TMOD1: variants seen among roughly 807,000 people sequenced by gnomAD.
TMOD1 encodes the protein tropomodulin 1, also known as tropomodulin-1.
Under a neutral mutation model 40.6 loss-of-function variants are expected in TMOD1, and 17 were observed. That is an observed-to-expected ratio of 0.42 (90% confidence interval 0.29 to 0.63). The LOEUF (loss-of-function observed/expected upper bound fraction) is 0.63. TMOD1 is among the 20% of genes least tolerant of loss of function. The pLI, the probability that TMOD1 is intolerant of heterozygous loss-of-function variation, is 0.22. For missense variants in TMOD1, 391 were observed against 447.6 expected (o/e 0.87, Z 1.14); for synonymous variants, 181 against 175.0 (o/e 1.03, Z -0.27).
chr9:97,544,176 A>T (rs956653553), intron 2 of TMOD1, among the ~76,000 whole-genome samples: 1 of 152,100 alleles, frequency 6.6e-6, no homozygotes, highest in Non-Finnish European at 1.5e-5. Context: ...CGGTCTCCTG[A>T]TCTTACAGCC....
intron 2 of TMOD1, among the ~76,000 whole-genome samples, chr9:97,541,361 T>C (rs1830272663): frequency 6.6e-6 from 1 of 152,034 alleles, no homozygotes; most frequent in Non-Finnish European, 1.5e-5. Flanking sequence ...CTAATTTTTG[T>C]ATTTTTAGTA....
At chr9:97,558,548 A>G (rs56411590) in intron 4 of TMOD1, among the ~76,000 whole-genome samples, 2,605 of 152,138 alleles carry the variant, frequency 0.017, 29 homozygotes, top group Middle Eastern at 0.044. Flanking sequence ...GGTTCAAGCA[A>G]TTCTCCTGCC....
chr9:97,551,017 T>A (rs1164342915), intron 3 of TMOD1, among the ~76,000 whole-genome samples: 326 of 7,380 alleles, frequency 0.044, no homozygotes, highest in African/African-American at 0.082. Flanking sequence ...TATATATATT[T>A]TTTTTTTTTT....
chr9:97,598,546 T>C (rs756480191), intron 9 of TMOD1, among the ~76,000 whole-genome samples: 1 of 152,218 alleles, frequency 6.6e-6, no homozygotes, highest in Non-Finnish European at 1.5e-5. Flanking sequence ...GTCTGGTTCA[T>C]GTAAACTCTT....
chr9:97,536,209 C>T (rs1177241264), intron 2 of TMOD1, among the ~76,000 whole-genome samples: 2 of 152,090 alleles, frequency 1.3e-5, no homozygotes, highest in Non-Finnish European at 2.9e-5. Flanking sequence ...AAGGAGAAAC[C>T]GACCTGGCAG....
In TMOD1 at chr9:97,601,300, C is replaced by T. The variant is rs898614206; in HGVS notation, c.*1602C>T. 2 of 1,174,748 alleles carry T rather than the reference C, an allele frequency of 1.7e-6. No individual in the cohort carries two copies. The highest frequency in any genetic ancestry group is 1.6e-5 in the South Asian group (1 of 62,162). 72.8% of individuals were successfully genotyped at this position (1,174,748 alleles called of 1,614,324 possible). ...GGAACCTGTGTGACAGGGACATGTG[C>T]CTGGCACACTGGCCAGAAGACTGGG... On this transcript the variant is annotated 3_prime_UTR_variant, in exon 10 of 10. Coordinates refer to ENST00000259365, the MANE Select transcript of TMOD1 (RefSeq NM_003275.4).
intron 2 of TMOD1, among the ~76,000 whole-genome samples, chr9:97,537,759 A>T (rs931905360): frequency 1.3e-5 from 2 of 152,254 alleles, no homozygotes; most frequent in African/African-American, 4.8e-5. Context: ...AATTTAAAAA[A>T]TTCTAAATTT....
At chr9:97,504,926 C>T (rs1829569417) in intron 1 of TMOD1, among the ~76,000 whole-genome samples, 1 of 152,150 alleles carries the variant, frequency 6.6e-6, no homozygotes, top group Admixed American at 6.5e-5. Flanking sequence ...TATTGGGCTG[C>T]TAGGAGCCAT....
At chr9:97,565,713 C>A in intron 6 of TMOD1, 135 bp from the exon 7 acceptor site, 1 of 685,800 alleles carries the variant, frequency 1.5e-6, no homozygotes, top group South Asian at 1.9e-5. Context: ...CGGGACAAAG[C>A]CTAAACCTTT....
chr9:97,592,604 A>C (rs972641715), intron 9 of TMOD1, among the ~76,000 whole-genome samples: 2 of 152,198 alleles, frequency 1.3e-5, no homozygotes, highest in East Asian at 3.8e-4. Context: ...AAAGTATGTC[A>C]CTTCCTGGTG....
In TMOD1 at chr9:97,564,174, G is replaced by C. The variant is rs756986616; in HGVS notation, c.618+6G>C. On this transcript the variant is annotated splice_donor_region_variant and intron_variant, in intron 6 of 9. Transcript: ENST00000259365. Reference sequence around the variant, plus strand: ...TTAACCTCAATAATATCCGGGTAAGGTCCATTTATTTCACTTTACCTGTGT... The same window carrying C: ...TTAACCTCAATAATATCCGGGTAAGCTCCATTTATTTCACTTTACCTGTGT... The C allele has an allele frequency of 1.3e-6, 2 of 1,585,028 alleles. No homozygotes were observed. Among genetic ancestry groups the C allele is most frequent in the Non-Finnish European group, 1.7e-6 (2 of 1,164,624 alleles).
intron 2 of TMOD1, among the ~76,000 whole-genome samples, chr9:97,536,686 G>A (rs1830190423): frequency 6.6e-6 from 1 of 152,072 alleles, no homozygotes; most frequent in South Asian, 2.1e-4. Context: ...CTGGGCTCTC[G>A]GTCCAGCGTA....
intron 8 of TMOD1, among the ~76,000 whole-genome samples, chr9:97,586,102 T>G (rs1444307872): frequency 6.6e-6 from 1 of 151,168 alleles, no homozygotes; most frequent in Non-Finnish European, 1.5e-5. Flanking sequence ...AGTTTCCAGT[T>G]TTTCTGTTCT....
At chr9:97,551,014 A>ATATT (rs1243994680) in intron 3 of TMOD1, among the ~76,000 whole-genome samples, 6 of 104,252 alleles carry the variant, frequency 5.8e-5, no homozygotes, top group Admixed American at 2.2e-4. Flanking sequence ...ATATATATAT[A>ATATT]TTTTTTTTTT....
intron 5 of TMOD1, among the ~76,000 whole-genome samples, chr9:97,563,656 A>T (rs2131265671): frequency 6.6e-6 from 1 of 152,324 alleles, no homozygotes; most frequent in South Asian, 2.1e-4. Context: ...GCCAAAAAAA[A>T]TAATTATTCC....
chr9:97,562,877 C>A, intron 5 of TMOD1, 56 bp downstream of exon 5: 1 of 1,376,982 alleles, frequency 7.3e-7, no homozygotes, highest in Non-Finnish European at 1.0e-6. Flanking sequence ...CCTCCACTCA[C>A]TGATGTTCTC....
chr9:97,508,362 T>C (rs1207111989), intron 1 of TMOD1, among the ~76,000 whole-genome samples: 2 of 152,160 alleles, frequency 1.3e-5, no homozygotes, highest in East Asian at 3.9e-4. Flanking sequence ...CAAATTTTTG[T>C]ATTTTTTAGT....
At chr9:97,508,961 TAAGAACAG>T (rs1394405658) in intron 1 of TMOD1, among the ~76,000 whole-genome samples, 2 of 152,094 alleles carry the variant, frequency 1.3e-5, no homozygotes, top group African/African-American at 4.8e-5. Flanking sequence ...GCATAACTAG[TAAGAACAG>T]ATGATGATAG....
chr9:97,538,645 T>A (rs908091928), intron 2 of TMOD1, among the ~76,000 whole-genome samples: 5 of 152,168 alleles, frequency 3.3e-5, no homozygotes, highest in African/African-American at 1.2e-4. Context: ...AAGTAGACCT[T>A]CCCCTCCATT....
Sources: allele counts gnomAD v4.1 joint callset (sites outside exome capture counted in the v4.1 genomes callset), GRCh38; gene constraint gnomAD v4.1.1; transcripts MANE v1.5; gene names NCBI Gene and HGNC (gene_info 2026-07-23, HGNC 2026-07-21).